The following TRAF2 variants were observed in gnomAD, a reference collection of about 807,000 sequenced individuals.
The protein encoded by TRAF2 is TNF receptor-associated factor 2.
A neutral mutation model predicts 55.6 loss-of-function variants in TRAF2; 6 were observed. That is an observed-to-expected ratio of 0.11 (90% CI 0.06 to 0.21). The LOEUF is 0.21. TRAF2 is among the 10% of genes least tolerant of loss of function. TRAF2 has a pLI of 1.00. For missense variants in TRAF2, 561 were observed against 684.5 expected, an observed-to-expected ratio of 0.82 and a Z score of 2.01; for synonymous variants, 329 against 276.3, an observed-to-expected ratio of 1.19 and a Z score of -1.89.
At position 136,900,417 on chromosome 9, in the gene TRAF2, C is replaced by T. The variant is rs1409921134; in HGVS notation, c.268-5C>T. The T allele has an allele frequency of 1.9e-6, 3 of 1,588,736 alleles. No homozygotes were observed. The East Asian group carries it at 6.7e-5, about 36-fold the overall frequency. ...GTTTAACCCGAGGGATATTCCTCTC[C>T]CCAGGCCTTCCCAGATAATGCTGCC... On this transcript the variant is annotated splice_polypyrimidine_tract_variant and splice_region_variant and intron_variant, in intron 3 of 10. Transcript: ENST00000247668.
rs776770184 is a variant in TRAF2, at chr9:136,908,182, G to C, written c.479G>C (p.Ser160Thr). The part of the protein sequence containing the change: ...RHLEHECPER[S>T]LSCRHCRAPC... ...CTGGAGCACGAGTGCCCGGAGAGAAGCCTGAGCTGCCGGCATTGCCGGGCA... is the reference window on the plus strand; with the variant it reads ...CTGGAGCACGAGTGCCCGGAGAGAACCCTGAGCTGCCGGCATTGCCGGGCA... The change falls in exon 5 of 11, where the codon AGC (serine) becomes ACC (threonine). Residue 160 changes from serine to threonine, a missense_variant. Physicochemically the swap from Ser to Thr is moderately conservative, Grantham distance 58 (BLOSUM62 1). Coordinates refer to ENST00000247668, the MANE Select transcript of TRAF2 (RefSeq NM_021138.4). The C allele has an allele frequency of 1.2e-6, 2 of 1,601,060 alleles. No individual in the cohort carries two copies. Among genetic ancestry groups the C allele is most frequent in the Non-Finnish European group, 1.7e-6 (2 of 1,179,662 alleles).
At chr9:136,897,689 T>C (rs1849713364) in intron 1 of TRAF2, among the ~76,000 whole-genome samples, 1 of 127,840 alleles carries the variant, frequency 7.8e-6, no homozygotes, top group African/African-American at 3.1e-5. Flanking sequence ...CCGTGGTAGC[T>C]AAAGGGAATG....
upstream of TRAF2, chr9:136,882,748 C>T: frequency 1.0e-6 from 1 of 985,620 alleles, no homozygotes; most frequent in Non-Finnish European, 1.2e-6. Flanking sequence ...CAAGGCGAGT[C>T]CCCAGGCCAA....
chr9:136,904,368 C>T (rs146452684), intron 4 of TRAF2, among the ~76,000 whole-genome samples: 100 of 152,152 alleles, frequency 6.6e-4, no homozygotes, highest in African/African-American at 2.3e-3. Context: ...CTGTGCCCGG[C>T]CATTTTACTA....
chr9:136,903,536 A>AT (rs11422823), intron 4 of TRAF2, among the ~76,000 whole-genome samples: 107,834 of 147,894 alleles, frequency 0.73, 39,201 homozygotes, highest in East Asian at 0.85. Flanking sequence ...ATAAATATTG[A>AT]TTTTTTTTTT....
At chr9:136,886,491 G>T, upstream of TRAF2, 4 of 1,002,808 alleles carry the variant, frequency 4.0e-6, no homozygotes, top group Non-Finnish European at 4.7e-6. Context: ...CGGCGGCGTT[G>T]GGGGCGGTAG....
At chr9:136,920,174 TC>T in intron 7 of TRAF2, 59 bp from the exon 8 acceptor site, 3 of 1,518,530 alleles carry the variant, frequency 2.0e-6, no homozygotes, top group East Asian at 4.7e-5. Context: ...TTGGTGGCCG[TC>T]CCCGGGTGGG....
chr9:136,887,160 G>A (rs533804087), intron 1 of TRAF2, among the ~76,000 whole-genome samples: 2 of 152,352 alleles, frequency 1.3e-5, no homozygotes, highest in Admixed American at 6.5e-5. Context: ...GAGGGTCGGG[G>A]GCAGCAAGGA....
At chr9:136,918,263 T>A (rs1413950588) in intron 7 of TRAF2, among the ~76,000 whole-genome samples, 1,973 of 14,580 alleles carry the variant, frequency 0.14, 42 homozygotes, top group African/African-American at 0.21. Flanking sequence ...ATATATTTAT[T>A]TAATTAATTA....
At chr9:136,886,571 T>C in intron 1 of TRAF2, 30 bp downstream of exon 1, 1 of 945,986 alleles carries the variant, frequency 1.1e-6, no homozygotes, top group South Asian at 4.8e-5. Context: ...GGGTGCGGGG[T>C]CGGGCGCGGG....
rs751176423 is a variant in TRAF2 at position 136,913,200 on chromosome 9, G to T, written c.603+3206G>T. ...GGCTTCTGATGATGAGGCCACTGATGATGAGGCCACCTGTTTCTTCGAAGC... is the reference window on the plus strand; with the variant it reads ...GGCTTCTGATGATGAGGCCACTGATTATGAGGCCACCTGTTTCTTCGAAGC... On this transcript the variant is annotated intron_variant, in intron 6 of 10. Coordinates refer to ENST00000247668, the MANE Select transcript of TRAF2 (RefSeq NM_021138.4). Among the ~76,000 whole-genome samples the T allele has an allele frequency of 2.6e-5, 4 of 151,690 alleles. No homozygotes were observed. The South Asian group carries it at 8.3e-4, about 31-fold the overall frequency.
intron 4 of TRAF2, among the ~76,000 whole-genome samples, chr9:136,904,190 C>A (rs1285159086): frequency 1.3e-5 from 2 of 152,172 alleles, no homozygotes; most frequent in Non-Finnish European, 2.9e-5. Context: ...CATATCATTT[C>A]ACCTATGAGC....
chr9:136,906,891 C>T (rs1395424539), intron 4 of TRAF2, among the ~76,000 whole-genome samples: 1 of 152,238 alleles, frequency 6.6e-6, no homozygotes, highest in African/African-American at 2.4e-5. Flanking sequence ...CCCGTTCTTC[C>T]TCCTGTGACT....
chr9:136,920,337 A>G lies in TRAF2; in HGVS notation c.782A>G (p.Gln261Arg). ...GAGGCAAAGCCCCTCTTGGGAGACC[A>G]GAGCCACGCGGGGTCAGAGCTCCTG... ...VLEAKPLLGDQSHAGSELLQR... is the reference protein window; with the variant it reads ...VLEAKPLLGDRSHAGSELLQR... The change falls in exon 8 of 11, where the codon CAG becomes CGG. Residue 261 changes from glutamine to arginine, a missense_variant. Coordinates refer to ENST00000247668, the MANE Select transcript of TRAF2 (RefSeq NM_021138.4). 6.2e-7 allele frequency: 1 copy of G among 1,614,124 alleles called. No individual in the cohort carries two copies. Among genetic ancestry groups the G allele is most frequent in the Non-Finnish European group, 8.5e-7 (1 of 1,180,040 alleles).
At chr9:136,923,737 C>A in intron 9 of TRAF2, 115 bp from the exon 10 acceptor site, 2 of 1,093,644 alleles carry the variant, frequency 1.8e-6, no homozygotes, top group Non-Finnish European at 2.6e-6. Flanking sequence ...CACCCCAGAA[C>A]CTGAATGTTT....
intron 6 of TRAF2, among the ~76,000 whole-genome samples, chr9:136,911,021 T>C (rs531416226): frequency 6.2e-4 from 94 of 152,300 alleles, no homozygotes; most frequent in African/African-American, 2.2e-3. Context: ...CCCCTGCTGG[T>C]GGGGCCTGGA....
chr9:136,924,903 T>A (rs1440028447), intron 10 of TRAF2, among the ~76,000 whole-genome samples: 2 of 152,058 alleles, frequency 1.3e-5, no homozygotes, highest in Non-Finnish European at 2.9e-5. Context: ...CACGCCCAGC[T>A]AATTTTTGTA....
intron 7 of TRAF2, among the ~76,000 whole-genome samples, chr9:136,919,415 C>T (rs1850328572): frequency 6.6e-6 from 1 of 150,712 alleles, no homozygotes; most frequent in African/African-American, 2.4e-5. Context: ...TCTGCCTCAG[C>T]CTCCCAAGTA....
chr9:136,893,026 G>A (rs1849612841), intron 1 of TRAF2, among the ~76,000 whole-genome samples: 1 of 152,194 alleles, frequency 6.6e-6, no homozygotes, highest in Non-Finnish European at 1.5e-5. Context: ...CATGTATGTA[G>A]CACGTCTCCA....
Sources: allele counts gnomAD v4.1 joint callset (sites outside exome capture counted in the v4.1 genomes callset), GRCh38; gene constraint gnomAD v4.1.1; transcripts MANE v1.5; gene names NCBI Gene and HGNC (gene_info 2026-07-23, HGNC 2026-07-21).